EFL1: variants seen among roughly 807,000 people sequenced by gnomAD.
EFL1 encodes elongation factor-like GTPase 1.
A neutral mutation model predicts 126.7 loss-of-function variants in EFL1; 76 were observed. The observed-to-expected ratio is 0.60, with a 90% CI of 0.50 to 0.73. The LOEUF is 0.73. Ranked by LOEUF, EFL1 falls within the 30% of genes least tolerant of loss-of-function variation. The pLI, the probability that EFL1 is intolerant of heterozygous loss-of-function variation, is 0.00. For synonymous variants in EFL1, 410 were observed against 448.4 expected (o/e 0.91, Z 1.08); for missense variants, 1,128 against 1,343.2 (o/e 0.84, Z 2.50).
chr15:82,208,793 A>G (rs894717954), intron 15 of EFL1, among the ~76,000 whole-genome samples: 5 of 152,160 alleles, frequency 3.3e-5, no homozygotes, highest in African/African-American at 1.2e-4. Flanking sequence ...CGATTATTAA[A>G]AAAAAAATAC....
chr15:82,208,338 C>G (rs566104844), intron 15 of EFL1, among the ~76,000 whole-genome samples: 1 of 152,286 alleles, frequency 6.6e-6, no homozygotes, highest in South Asian at 2.1e-4. Flanking sequence ...CTATACAATA[C>G]GGCAACCGCT....
intron 15 of EFL1, 80 bp from the exon 16 acceptor site, chr15:82,164,064 C>G (rs2074051789): frequency 1.9e-6 from 3 of 1,554,894 alleles, no homozygotes; most frequent in Non-Finnish European, 2.6e-6. Context: ...AGCATCAACC[C>G]AGTATATGTA....
intron 15 of EFL1, among the ~76,000 whole-genome samples, chr15:82,183,629 G>T (rs752304731): frequency 3.3e-5 from 5 of 152,152 alleles, no homozygotes; most frequent in Non-Finnish European, 7.3e-5. Context: ...AATAATAAAG[G>T]TTCTAAAGAT....
intron 18 of EFL1, among the ~76,000 whole-genome samples, chr15:82,149,511 T>C (rs1262598651): frequency 6.6e-6 from 1 of 152,218 alleles, no homozygotes; most frequent in Non-Finnish European, 1.5e-5. Flanking sequence ...GAGGTAACAG[T>C]GTAGACACAG....
chr15:82,186,961 G>A (rs1482582655), intron 15 of EFL1, among the ~76,000 whole-genome samples: 1 of 152,106 alleles, frequency 6.6e-6, no homozygotes, highest in Non-Finnish European at 1.5e-5. Context: ...AGCCTGTAGT[G>A]ATTTTAGACT....
intron 7 of EFL1, among the ~76,000 whole-genome samples, chr15:82,234,127 T>C (rs1294956556): frequency 6.6e-6 from 1 of 152,204 alleles, no homozygotes; most frequent in Non-Finnish European, 1.5e-5. Flanking sequence ...CCTTCCACAA[T>C]AAACTTCCCC....
intron 4 of EFL1, among the ~76,000 whole-genome samples, chr15:82,249,176 G>A (rs539559990): frequency 6.6e-6 from 1 of 152,040 alleles, no homozygotes; most frequent in African/African-American, 2.4e-5. Flanking sequence ...AGGTGTGGTG[G>A]CTCACAACTG....
intron 7 of EFL1, among the ~76,000 whole-genome samples, chr15:82,233,511 T>C (rs2074843396): frequency 6.6e-6 from 1 of 152,198 alleles, no homozygotes; most frequent in Admixed American, 6.5e-5. Context: ...AGTAGATTAA[T>C]GTTAATTACA....
intron 15 of EFL1, among the ~76,000 whole-genome samples, chr15:82,178,635 C>A (rs1368121900): frequency 1.3e-5 from 2 of 152,226 alleles, no homozygotes; most frequent in Non-Finnish European, 2.9e-5. Context: ...CATCATTCCT[C>A]CCTCTTGAGA....
chr15:82,140,237 T>C (rs989479558), intron 18 of EFL1, among the ~76,000 whole-genome samples: 1 of 152,216 alleles, frequency 6.6e-6, no homozygotes, highest in East Asian at 1.9e-4. Context: ...TTCTTCACTA[T>C]GTGCTCTTTC....
intron 17 of EFL1, among the ~76,000 whole-genome samples, chr15:82,156,338 G>A (rs942225052): frequency 5.9e-5 from 9 of 152,130 alleles, no homozygotes; most frequent in Admixed American, 5.9e-4. Context: ...CCAGGCTACA[G>A]TGCAGTGGTG....
chr15:82,205,165 A>G (rs1667259139), intron 15 of EFL1, among the ~76,000 whole-genome samples: 1 of 152,202 alleles, frequency 6.6e-6, no homozygotes, highest in South Asian at 2.1e-4. Context: ...GCCCCAAATC[A>G]TGAATAGCCT....
At chr15:82,158,810 G>A (rs66672254) in intron 16 of EFL1, among the ~76,000 whole-genome samples, 23,215 of 152,166 alleles carry the variant, frequency 0.15, 3,214 homozygotes, top group African/African-American at 0.37. Flanking sequence ...ACATTTCATA[G>A]CACTAACAAT....
intron 14 of EFL1, among the ~76,000 whole-genome samples, chr15:82,217,375 A>G (rs868089968): frequency 0.035 from 4,560 of 128,920 alleles, 95 homozygotes; most frequent in African/African-American, 0.075. Flanking sequence ...TTAGATTTGA[A>G]AAAAAAAAAA....
At position 82,218,660 on chromosome 15, in the gene EFL1, A is replaced by T. The variant is rs568239353; in HGVS notation, c.1611+992T>A. 4.7e-4 allele frequency among the ~76,000 whole-genome samples: 71 copies of T among 152,342 alleles called. No homozygotes were observed. The Middle Eastern group carries it at 0.017, about 36-fold the overall frequency. On this transcript the variant is annotated intron_variant, in intron 14 of 19. Transcript: ENST00000268206. ...TAAAAAATCATAGATGAGTTTTTAT[A>T]CATATCACTTTCAGACTCCCATAAA...
At chr15:82,254,641 T>C (rs2075051605) in intron 3 of EFL1, among the ~76,000 whole-genome samples, 1 of 152,228 alleles carries the variant, frequency 6.6e-6, no homozygotes, top group Non-Finnish European at 1.5e-5. Flanking sequence ...ATAAGAATCA[T>C]ACTTAATATA....
At chr15:82,237,058 G>A (rs564023359) in intron 7 of EFL1, among the ~76,000 whole-genome samples, 136 of 152,254 alleles carry the variant, frequency 8.9e-4, no homozygotes, top group Middle Eastern at 3.4e-3. Flanking sequence ...CAGGAGAATC[G>A]CTTGAACCTG....
At chr15:82,234,019 A>C (rs2074848285) in intron 7 of EFL1, among the ~76,000 whole-genome samples, 2 of 152,216 alleles carry the variant, frequency 1.3e-5, no homozygotes. Flanking sequence ...ATACAGGGGA[A>C]CATTCATTTA....
chr15:82,202,161 T>C, intron 15 of EFL1, among the ~76,000 whole-genome samples: 1 of 152,044 alleles, frequency 6.6e-6, no homozygotes, highest in East Asian at 1.9e-4. Context: ...AAAGTCAGAG[T>C]TTCAGCAACA....
Sources: allele counts gnomAD v4.1 joint callset (sites outside exome capture counted in the v4.1 genomes callset), GRCh38; gene constraint gnomAD v4.1.1; transcripts MANE v1.5; gene names NCBI Gene and HGNC (gene_info 2026-07-23, HGNC 2026-07-21).